Variants in CSMD1 observed in about 807,000 individuals in gnomAD.
CSMD1 encodes the protein CUB and sushi domain-containing protein 1.
Under a neutral mutation model 417.5 loss-of-function variants are expected in CSMD1, and 213 were observed. That is an observed-to-expected ratio of 0.51 (90% confidence interval 0.46 to 0.57). CSMD1 has a LOEUF of 0.57. CSMD1 is among the 20% of genes least tolerant of loss of function. The probability of loss-of-function intolerance (pLI) is 0.00; values close to 1 mark genes in which losing one functional copy is unlikely to be tolerated. For synonymous variants in CSMD1, 2,862 were observed against 1,736.8 expected, an observed-to-expected ratio of 1.65 and a Z score of -16.11; for missense variants, 6,923 against 4,529.7, an observed-to-expected ratio of 1.53 and a Z score of -15.17.
intron 49 of CSMD1, among the ~76,000 whole-genome samples, chr8:3,086,479 A>C (rs1489171126): frequency 6.6e-6 from 1 of 152,192 alleles, no homozygotes; most frequent in Non-Finnish European, 1.5e-5. Flanking sequence ...CATAAATCAT[A>C]ATTAGCTTTC....
At chr8:3,819,284 C>T (rs1012235141) in intron 5 of CSMD1, among the ~76,000 whole-genome samples, 13 of 152,108 alleles carry the variant, frequency 8.5e-5, no homozygotes, top group Non-Finnish European at 1.5e-4. Context: ...AACTTCTCAC[C>T]TCATGAATAA....
At chr8:4,128,213 C>G (rs1313337486) in intron 3 of CSMD1, among the ~76,000 whole-genome samples, 1 of 152,116 alleles carries the variant, frequency 6.6e-6, no homozygotes, top group Non-Finnish European at 1.5e-5. Flanking sequence ...ACAGCAGCTC[C>G]TCCTTGAAAG....
intron 1 of CSMD1, among the ~76,000 whole-genome samples, chr8:4,943,787 T>C (rs1585379515): frequency 6.6e-6 from 1 of 152,238 alleles, no homozygotes; most frequent in South Asian, 2.1e-4. Context: ...AATTGCATGT[T>C]AGAAAAAATC....
chr8:3,161,109 T>C (rs1308496579), intron 38 of CSMD1, among the ~76,000 whole-genome samples: 2 of 152,224 alleles, frequency 1.3e-5, no homozygotes, highest in Non-Finnish European at 2.9e-5. Flanking sequence ...AATCGACCTA[T>C]ATATTTCTCC....
chr8:3,638,464 G>A (rs1433298362), intron 7 of CSMD1, among the ~76,000 whole-genome samples: 2 of 151,998 alleles, frequency 1.3e-5, no homozygotes, highest in African/African-American at 2.4e-5. Context: ...CACTGCCTCT[G>A]AAATTCTGAA....
At chr8:3,492,196 T>G (rs1227601795) in intron 11 of CSMD1, among the ~76,000 whole-genome samples, 1 of 152,158 alleles carries the variant, frequency 6.6e-6, no homozygotes, top group African/African-American at 2.4e-5. Flanking sequence ...TGTTTGATTA[T>G]TCTCCATTGC....
chr8:4,350,411 T>G (rs1285106466), intron 3 of CSMD1, among the ~76,000 whole-genome samples: 2 of 152,218 alleles, frequency 1.3e-5, no homozygotes, highest in African/African-American at 4.8e-5. Context: ...TGATATGCTC[T>G]GATTTACTAT....
At chr8:4,473,664 C>T (rs1677963863) in intron 2 of CSMD1, among the ~76,000 whole-genome samples, 1 of 152,100 alleles carries the variant, frequency 6.6e-6, no homozygotes, top group African/African-American at 2.4e-5. Context: ...AAACAAAGAG[C>T]ATATGACTCT....
intron 1 of CSMD1, among the ~76,000 whole-genome samples, chr8:4,979,473 A>G (rs1048288832): frequency 6.6e-6 from 1 of 152,310 alleles, no homozygotes; most frequent in Middle Eastern, 3.4e-3. Context: ...TACCTTTAGA[A>G]CACTTGAGTG....
intron 5 of CSMD1, among the ~76,000 whole-genome samples, chr8:3,919,059 T>C (rs1364410063): frequency 6.6e-6 from 1 of 151,830 alleles, no homozygotes; most frequent in Non-Finnish European, 1.5e-5. Context: ...GTTGTAAAAA[T>C]TTTCTCCCAT....
chr8:4,930,233 C>T lies in CSMD1; in HGVS notation c.85+64099G>A, dbSNP rs188110257. On this transcript the variant is annotated intron_variant, in intron 1 of 69. Transcript: ENST00000635120. Reference sequence around the variant, plus strand: ...AATCAATGTCCTTTCACATATTAGGCATCTCGTGCTAACTAATCACACAAA... The same window carrying T: ...AATCAATGTCCTTTCACATATTAGGTATCTCGTGCTAACTAATCACACAAA... Among the ~76,000 whole-genome samples, 385 of 152,300 alleles carry T rather than the reference C, an allele frequency of 2.5e-3. 4 individuals carry two copies. The highest frequency in any genetic ancestry group is 8.6e-3 in the African/African-American group (358 of 41,562).
intron 10 of CSMD1, among the ~76,000 whole-genome samples, chr8:3,533,412 A>G (rs1401045285): frequency 6.6e-6 from 1 of 152,162 alleles, no homozygotes; most frequent in Non-Finnish European, 1.5e-5. Context: ...CCCTGATAAC[A>G]GTGGTTTGAC....
intron 36 of CSMD1, among the ~76,000 whole-genome samples, chr8:3,186,593 C>G (rs1338461848): frequency 6.6e-6 from 1 of 152,102 alleles, no homozygotes; most frequent in Non-Finnish European, 1.5e-5. Context: ...TGTGAATGGC[C>G]TGTGCGCTAT....
intron 46 of CSMD1, among the ~76,000 whole-genome samples, chr8:3,098,665 A>T (rs1285268481): frequency 6.6e-6 from 1 of 152,212 alleles, no homozygotes; most frequent in Non-Finnish European, 1.5e-5. Context: ...TGTAAAATAC[A>T]CGATGCCCAT....
At chr8:3,680,280 A>G (rs1165670551) in intron 7 of CSMD1, among the ~76,000 whole-genome samples, 1 of 152,232 alleles carries the variant, frequency 6.6e-6, no homozygotes, top group Non-Finnish European at 1.5e-5. Context: ...CAAAATTGAT[A>G]GACCACTAGC....
chr8:4,909,828 C>T (rs550598008), intron 1 of CSMD1, among the ~76,000 whole-genome samples: 1 of 152,186 alleles, frequency 6.6e-6, no homozygotes, highest in Admixed American at 6.5e-5. Flanking sequence ...TTCCAGGTGG[C>T]AATTTAACTG....
intron 26 of CSMD1, among the ~76,000 whole-genome samples, chr8:3,246,398 G>T (rs1799881610): frequency 6.6e-6 from 1 of 152,142 alleles, no homozygotes; most frequent in South Asian, 2.1e-4. Context: ...CAGGAAGCCA[G>T]TTCCTCAGTC....
At chr8:3,529,589 G>A (rs1401593096) in intron 10 of CSMD1, among the ~76,000 whole-genome samples, 1 of 152,222 alleles carries the variant, frequency 6.6e-6, no homozygotes, top group Non-Finnish European at 1.5e-5. Context: ...TCACAGGAAT[G>A]CGATGCACAT....
rs996803584 is a variant in CSMD1 at position 3,201,689 on chromosome 8, A to G, written c.5021T>C (p.Leu1674Pro). 6.2e-7 allele frequency: 1 copy of G among 1,604,914 alleles called. No individual in the cohort carries two copies. Among genetic ancestry groups the G allele is most frequent in the East Asian group, 2.2e-5 (1 of 44,686 alleles). Residue 1674 changes from leucine (L) to proline (P), a missense_variant, in exon 32 of 70, where the codon CTG (leucine) becomes CCG (proline). Transcript: ENST00000635120. Reference protein sequence around the residue: ...FGQFAYFQTALNDLAELFDGT... With the variant: ...FGQFAYFQTAPNDLAELFDGT... ...ATCAAATAATTCTGCCAAATCATTC[A>G]GGGCTGTCTGGAAATAGGCAAACTG...
Sources: gnomAD v4.1 joint callset for allele counts (sites outside exome capture counted in the v4.1 genomes callset) on GRCh38, gnomAD v4.1.1 for gene constraint, MANE v1.5 for transcripts, NCBI Gene and HGNC (gene_info 2026-07-23, HGNC 2026-07-21) for gene names.